Variants in RBMS3 observed in about 807,000 individuals in gnomAD.
RBMS3 encodes RNA binding motif single stranded interacting protein 3, also known as RNA-binding motif, single-stranded-interacting protein 3.
A neutral mutation model predicts 66.8 loss-of-function variants in RBMS3; 27 were observed. That is an observed-to-expected ratio of 0.40 (90% CI 0.30 to 0.56). The LOEUF (loss-of-function observed/expected upper bound fraction) is 0.56. Among genes scored for constraint, RBMS3 ranks in the 20% least tolerant of loss-of-function variants. RBMS3 has a pLI of 0.40. For missense variants in RBMS3, 513 were observed against 549.5 expected (o/e 0.93, Z 0.66); for synonymous variants, 188 against 183.0 (o/e 1.03, Z -0.22).
intron 4 of RBMS3, among the ~76,000 whole-genome samples, chr3:29,648,263 A>AT (rs749839563): frequency 0.04 from 3,097 of 77,582 alleles, 298 homozygotes; most frequent in African/African-American, 0.1. Context: ...GAAAATGTCT[A>AT]TTTTTTTTTT....
intron 12 of RBMS3, among the ~76,000 whole-genome samples, chr3:29,955,497 C>T (rs1695975485): frequency 6.6e-6 from 1 of 151,904 alleles, no homozygotes; most frequent in Non-Finnish European, 1.5e-5. Flanking sequence ...TATCCATTTT[C>T]CTTGGATATT....
intron 2 of RBMS3, among the ~76,000 whole-genome samples, chr3:29,474,452 A>G (rs2042876417): frequency 6.6e-6 from 1 of 152,202 alleles, no homozygotes; most frequent in African/African-American, 2.4e-5. Flanking sequence ...TTCCCTAATA[A>G]TTTTATCTGA....
In RBMS3 at chr3:29,575,509, A is replaced by G. The variant is rs527390735; in HGVS notation, c.308-11605A>G. 3.9e-5 allele frequency among the ~76,000 whole-genome samples: 6 copies of G among 152,122 alleles called. No homozygotes were observed. In the East Asian group the frequency reaches 5.8e-4, roughly 15 times the overall value. The stretch of plus-strand genomic sequence containing the variant: ...TTGGGTTAAACCTGCTTGGTGTTCT[A>G]TAACTTTCTTGTGCTTGAATGTTGG... On this transcript the variant is annotated intron_variant, in intron 3 of 14. Coordinates refer to ENST00000383767, the MANE Select transcript of RBMS3 (RefSeq NM_001003793.3).
intron 2 of RBMS3, among the ~76,000 whole-genome samples, chr3:29,452,032 C>T (rs144791348): frequency 6.6e-6 from 1 of 152,266 alleles, no homozygotes; most frequent in South Asian, 2.1e-4. Flanking sequence ...AGGCCATGGA[C>T]TTTCAGAGCA....
At chr3:29,376,517 TC>T (rs2038476584) in intron 1 of RBMS3, among the ~76,000 whole-genome samples, 1 of 152,088 alleles carries the variant, frequency 6.6e-6, no homozygotes, top group Non-Finnish European at 1.5e-5. Flanking sequence ...ACGCCTGTAA[TC>T]CCAGCACTTT....
At chr3:29,758,858 G>A (rs777529057) in intron 5 of RBMS3, among the ~76,000 whole-genome samples, 2 of 152,242 alleles carry the variant, frequency 1.3e-5, no homozygotes, top group Middle Eastern at 3.4e-3. Context: ...GAGGATGACT[G>A]GCTTACAACG....
At chr3:29,975,293 G>T (rs1697509797) in intron 12 of RBMS3, among the ~76,000 whole-genome samples, 1 of 151,258 alleles carries the variant, frequency 6.6e-6, no homozygotes, top group Non-Finnish European at 1.5e-5. Flanking sequence ...ATACATAGGA[G>T]TGTGATTGCT....
intron 5 of RBMS3, among the ~76,000 whole-genome samples, chr3:29,752,010 G>A (rs1371537020): frequency 1.3e-5 from 2 of 152,158 alleles, no homozygotes; most frequent in African/African-American, 2.4e-5. Flanking sequence ...CAGCTCAATG[G>A]GGAGTTAGTG....
intron 3 of RBMS3, among the ~76,000 whole-genome samples, chr3:29,500,066 C>CTT (rs766636744): frequency 0.013 from 1,436 of 108,402 alleles, 18 homozygotes; most frequent in African/African-American, 0.06. Flanking sequence ...GAAGGATTTT[C>CTT]TTTTTTTTTT....
intron 1 of RBMS3, among the ~76,000 whole-genome samples, chr3:29,328,024 C>T (rs1025002409): frequency 3.3e-5 from 5 of 152,132 alleles, no homozygotes; most frequent in Admixed American, 6.5e-5. Context: ...AAGAGAAATT[C>T]GCATTATTTA....
chr3:29,700,860 A>ATGTGTGTGTGTGTTCGTGTGCG (rs3069930), intron 4 of RBMS3, among the ~76,000 whole-genome samples: 3 of 151,258 alleles, frequency 2.0e-5, no homozygotes, highest in Admixed American at 2.0e-4. Flanking sequence ...GATTATAAGC[A>ATGTGTGTGTGTGTTCGTGTGCG]TGTGTGTGTG....
rs1204538102 is a variant in RBMS3 at position 29,287,932 on chromosome 3, T to A, written c.75+6176T>A. On this transcript the variant is annotated intron_variant, in intron 1 of 14. Coordinates refer to ENST00000383767, the MANE Select transcript of RBMS3 (RefSeq NM_001003793.3). ...TGTTTTTATTTTTTTTTATTTTAAG[T>A]TGATATTGGCAGATAATCTGGTCTT... Among the ~76,000 whole-genome samples the A allele has an allele frequency of 2.0e-5, 3 of 152,186 alleles. No individual in the cohort carries two copies. The East Asian group carries it at 5.8e-4, about 29-fold the overall frequency.
At chr3:29,764,005 G>T (rs116041463) in intron 6 of RBMS3, among the ~76,000 whole-genome samples, 3,350 of 152,096 alleles carry the variant, frequency 0.022, 45 homozygotes, top group Non-Finnish European at 0.031. Flanking sequence ...ACCCATCAGA[G>T]AGTTCAGAGG....
At position 29,936,079 on chromosome 3, in the gene RBMS3, C is replaced by G. The variant is rs79840174; in HGVS notation, c.940-7C>G. The G allele has an allele frequency of 6.2e-7, 1 of 1,609,550 alleles. No homozygotes were observed. Among genetic ancestry groups the G allele is most frequent in the Non-Finnish European group, 8.5e-7 (1 of 1,176,970 alleles). Reference sequence around the variant, plus strand: ...TATTTTCAAATGGACATTGTATATGCTTGTAGGGTGCTGTGATTACACCAA... The same window carrying G: ...TATTTTCAAATGGACATTGTATATGGTTGTAGGGTGCTGTGATTACACCAA... On this transcript the variant is annotated splice_region_variant and splice_polypyrimidine_tract_variant and intron_variant, in intron 10 of 14. Coordinates refer to ENST00000383767, the MANE Select transcript of RBMS3 (RefSeq NM_001003793.3).
At chr3:29,985,664 T>C (rs1698334768) in intron 12 of RBMS3, among the ~76,000 whole-genome samples, 2 of 152,064 alleles carry the variant, frequency 1.3e-5, no homozygotes, top group Admixed American at 1.3e-4. Flanking sequence ...CGGCTCACCC[T>C]CCTTGGGCTG....
At chr3:29,865,370 G>C (rs184101450) in intron 6 of RBMS3, among the ~76,000 whole-genome samples, 12 of 152,172 alleles carry the variant, frequency 7.9e-5, no homozygotes, top group Admixed American at 7.9e-4. Context: ...TCAAAGAGTA[G>C]AAATATGTTT....
At chr3:29,626,119 T>C (rs2049053184) in intron 4 of RBMS3, among the ~76,000 whole-genome samples, 1 of 152,230 alleles carries the variant, frequency 6.6e-6, no homozygotes, top group African/African-American at 2.4e-5. Context: ...CTCAGGAAGC[T>C]GTTTTCCTGA....
chr3:29,549,940 C>G (rs184993218), intron 3 of RBMS3, among the ~76,000 whole-genome samples: 24 of 152,096 alleles, frequency 1.6e-4, no homozygotes, highest in African/African-American at 5.5e-4. Context: ...TGTCCTTGCT[C>G]TTATATATAT....
intron 4 of RBMS3, among the ~76,000 whole-genome samples, chr3:29,690,382 T>C (rs1292555588): frequency 1.3e-5 from 2 of 152,108 alleles, no homozygotes; most frequent in Non-Finnish European, 2.9e-5. Flanking sequence ...CCCAGGAGTT[T>C]GAGGCTTCAG....
Sources: allele counts gnomAD v4.1 joint callset (sites outside exome capture counted in the v4.1 genomes callset), GRCh38; gene constraint gnomAD v4.1.1; transcripts MANE v1.5; gene names NCBI Gene and HGNC (gene_info 2026-07-23, HGNC 2026-07-21).